Variants in TOR1A observed in about 807,000 individuals in gnomAD.
TOR1A encodes torsin family 1 member A.
Under a neutral mutation model 31.4 loss-of-function variants are expected in TOR1A, and 18 were observed. The observed-to-expected ratio is 0.57, with a 90% CI of 0.40 to 0.85. The LOEUF (loss-of-function observed/expected upper bound fraction) is 0.85. Among genes scored for constraint, TOR1A ranks in the 40% least tolerant of loss-of-function variants. The pLI is 0.00. For synonymous variants in TOR1A, 168 were observed against 165.9 expected (o/e 1.01, Z -0.10); for missense variants, 375 against 416.4 (o/e 0.90, Z 0.87).
intron 4 of TOR1A, among the ~76,000 whole-genome samples, chr9:129,816,983 C>A (rs551298617): frequency 6.6e-6 from 1 of 152,294 alleles, no homozygotes; most frequent in Admixed American, 6.5e-5. Flanking sequence ...AACAGCCAGC[C>A]CTGCACAACT....
intron 2 of TOR1A, among the ~76,000 whole-genome samples, chr9:129,820,754 C>T (rs570582128): frequency 3.9e-5 from 6 of 152,052 alleles, no homozygotes; most frequent in African/African-American, 1.4e-4. Flanking sequence ...GCCACCATGC[C>T]TGACTAATTT....
At chr9:129,823,725 CGG>C (rs2031250343) in intron 1 of TOR1A, 181 bp downstream of exon 1, 2 of 449,942 alleles carry the variant, frequency 4.4e-6, no homozygotes, top group Non-Finnish European at 7.6e-6. Context: ...AGCCCCAACC[CGG>C]CCCTAGTGCC....
chr9:129,822,304 T>A, intron 2 of TOR1A: 15 of 456,604 alleles, frequency 3.3e-5, no homozygotes, highest in South Asian at 8.9e-5. Context: ...TGAGATGTGT[T>A]GATCTCTAAG....
Position 129,824,026 on chromosome 9 carries a change from C to G in TOR1A, c.60G>C (p.Ala20=). Residue 20 remains alanine, a synonymous_variant, in exon 1 of 5, where the codon GCG becomes GCC. Transcript: ENST00000351698. The stretch of plus-strand genomic sequence containing the variant: ...CCAGTCCCAGGCTGATGGGCTCCAC[C>G]GCCTGCACCACGGACGGCGCCAGCA... ...LLLLAPSVVQ[A]VEPISLGLAL... is the part of the protein sequence containing the mutation. 1 of 1,608,772 alleles carries G rather than the reference C, an allele frequency of 6.2e-7. No homozygotes were observed. Among genetic ancestry groups the G allele is most frequent in the Non-Finnish European group, 8.5e-7 (1 of 1,178,644 alleles).
In TOR1A at chr9:129,813,696, T is replaced by A. The variant is rs2030953374; in HGVS notation, c.*276A>T. ...GAAACACTTGGAATTAAAACATAATTTGTAAAAAATCATGAGCCCTGCGAT... is the reference window on the plus strand; with the variant it reads ...GAAACACTTGGAATTAAAACATAATATGTAAAAAATCATGAGCCCTGCGAT... On this transcript the variant is annotated 3_prime_UTR_variant, in exon 5 of 5. Coordinates refer to ENST00000351698, the MANE Select transcript of TOR1A (RefSeq NM_000113.3). 2 of 531,312 alleles carry A rather than the reference T, an allele frequency of 3.8e-6. No homozygotes were observed. The highest frequency in any genetic ancestry group is 3.4e-6 in the Non-Finnish European group (1 of 296,116). 32.9% of individuals were successfully genotyped at this position (531,312 alleles called of 1,614,324 possible).
rs933778697 is a variant in TOR1A at position 129,813,307 on chromosome 9, C to T, written c.*665G>A. On this transcript the variant is annotated 3_prime_UTR_variant, in exon 5 of 5. Coordinates refer to ENST00000351698, the MANE Select transcript of TOR1A (RefSeq NM_000113.3). ...TCCCATTGTTGCTAAGGTGAAAACC[C>T]TTGGAGAGGCTGTTTCAGGCTTATC... is the stretch of plus-strand genomic sequence containing the variant. The T allele has an allele frequency of 1.3e-5, 2 of 155,556 alleles. No homozygotes were observed. Among genetic ancestry groups the T allele is most frequent in the African/African-American group, 4.8e-5 (2 of 41,466 alleles). 9.6% of individuals were successfully genotyped at this position (155,556 alleles called of 1,614,324 possible).
intron 1 of TOR1A, 36 bp downstream of exon 1, chr9:129,823,860 GCCCAGCCCCAGC>G (rs746879786): frequency 1.3e-6 from 2 of 1,523,396 alleles, no homozygotes; most frequent in Non-Finnish European, 1.8e-6. Flanking sequence ...TAGTGCCATC[GCCCAGCCCCAGC>G]CCCAGCCCCA....
intron 4 of TOR1A, among the ~76,000 whole-genome samples, chr9:129,815,776 C>T (rs1212510072): frequency 6.6e-6 from 1 of 152,198 alleles, no homozygotes. Flanking sequence ...GCAGTGCCAC[C>T]CTTCCCATCG....
Position 129,813,641 on chromosome 9 carries a change from A to G in TOR1A, c.*331T>C, listed in dbSNP as rs2030951804. 2.4e-6 allele frequency: 1 copy of G among 422,516 alleles called. No homozygotes were observed. The allele number at this position is 422,516 out of a possible 1,614,324, so 26.2% of individuals were successfully genotyped here. A position where few individuals can be genotyped will look rare whatever the true frequency, so the allele number is the denominator to read the frequency against. The stretch of plus-strand genomic sequence containing the variant: ...TTTTAAATAAAGTTACCACATTTTC[A>G]ATAAAACTTATTCATCCTTCCTTGA... On this transcript the variant is annotated 3_prime_UTR_variant, in exon 5 of 5. Transcript: ENST00000351698.
chr9:129,814,237 C>CAAGGT lies in TOR1A; in HGVS notation c.749-20_749-16dup, dbSNP rs766674625. 1.2e-6 allele frequency: 2 copies of CAAGGT among 1,614,034 alleles called. No individual in the cohort carries two copies. The highest frequency in any genetic ancestry group is 3.3e-5 in the Admixed American group (2 of 60,010). On this transcript the variant is annotated splice_polypyrimidine_tract_variant and intron_variant, in intron 4 of 4. Transcript: ENST00000351698. ...CCAGAAGCCACCTGGGAAGAAGAAACAAGGTGCTGTTCATCCACATCCACC... is the reference window on the plus strand; with the variant it reads ...CCAGAAGCCACCTGGGAAGAAGAAACAAGGTAAGGTGCTGTTCATCCACATCCACC...
At chr9:129,817,852 A>T (rs865808451) in intron 4 of TOR1A, among the ~76,000 whole-genome samples, 54 of 148,656 alleles carry the variant, frequency 3.6e-4, no homozygotes, top group Non-Finnish European at 6.9e-4. Context: ...AAAAAAAAAA[A>T]AAAAAAAAAA....
Position 129,822,584 on chromosome 9 carries a change from G to T in TOR1A, c.441C>A (p.Tyr147Ter), listed in dbSNP as rs1470575764. The change falls in exon 2 of 5, where the codon TAC becomes TAA. Residue 147 changes from tyrosine to a stop codon, truncating the protein, a stop_gained. Coordinates refer to ENST00000351698, the MANE Select transcript of TOR1A (RefSeq NM_000113.3). LOFTEE classifies it high-confidence loss of function. Reference sequence around the variant, plus strand: ...GATTCCAAACTTCCATCCTTGCCTTGTACAAGGTGATGTTTGAAGCATGTG... The same window carrying T: ...GATTCCAAACTTCCATCCTTGCCTTTTACAAGGTGATGTTTGAAGCATGTG... ...HFPHASNITL[Y>*]KDQLQLWIRG... The T allele has an allele frequency of 1.2e-6, 2 of 1,614,132 alleles. No homozygotes were observed. The highest frequency in any genetic ancestry group is 1.7e-6 in the Non-Finnish European group (2 of 1,180,036).
Position 129,815,572 on chromosome 9 carries a change from C to A in TOR1A, c.749-1350G>T, listed in dbSNP as rs535382299. ...AGAGCCCGAGCAACAAGGACCCAGCCACGCAGACCCAGGAGTGACGGCAGA... is the reference window on the plus strand; with the variant it reads ...AGAGCCCGAGCAACAAGGACCCAGCAACGCAGACCCAGGAGTGACGGCAGA... On this transcript the variant is annotated intron_variant, in intron 4 of 4. Coordinates refer to ENST00000351698, the MANE Select transcript of TOR1A (RefSeq NM_000113.3). 5.6e-4 allele frequency among the ~76,000 whole-genome samples: 86 copies of A among 152,318 alleles called. 1 individual carries two copies. Among genetic ancestry groups the A allele is most frequent in the Admixed American group, 3.3e-3 (50 of 15,308 alleles).
chr9:129,816,201 G>A (rs937124974), intron 4 of TOR1A, among the ~76,000 whole-genome samples: 5 of 152,086 alleles, frequency 3.3e-5, no homozygotes, highest in East Asian at 1.9e-4. Context: ...CGTGCTGTCC[G>A]CACTGGGGAA....
chr9:129,813,896 G>C lies in TOR1A; in HGVS notation c.*76C>G. 6.4e-7 allele frequency: 1 copy of C among 1,568,786 alleles called. No individual in the cohort carries two copies. The highest frequency in any genetic ancestry group is 8.7e-7 in the Non-Finnish European group (1 of 1,146,868). On this transcript the variant is annotated 3_prime_UTR_variant, in exon 5 of 5. Transcript: ENST00000351698. Reference sequence around the variant, plus strand: ...TTCCTCTTCCAGGGAAAGGAGCTGGGGGTGGAAGTGTGGAAGGACTGAGTG... The same window carrying C: ...TTCCTCTTCCAGGGAAAGGAGCTGGCGGTGGAAGTGTGGAAGGACTGAGTG...
chr9:129,819,608 A>T (rs997001143), intron 2 of TOR1A, among the ~76,000 whole-genome samples: 5 of 152,126 alleles, frequency 3.3e-5, no homozygotes, highest in Admixed American at 2.0e-4. Flanking sequence ...AAAATACAAA[A>T]AAATTAGCTG....
intron 4 of TOR1A, among the ~76,000 whole-genome samples, chr9:129,816,562 G>A (rs1034283633): frequency 2.0e-5 from 3 of 152,104 alleles, no homozygotes; most frequent in African/African-American, 4.8e-5. Flanking sequence ...TGTGTCCCCC[G>A]TCCTAGGTAT....
At chr9:129,816,868 T>G (rs1011906697) in intron 4 of TOR1A, among the ~76,000 whole-genome samples, 1 of 152,242 alleles carries the variant, frequency 6.6e-6, no homozygotes, top group Non-Finnish European at 1.5e-5. Flanking sequence ...ACTGACATAC[T>G]GTACCCCATG....
intron 2 of TOR1A, chr9:129,821,325 T>A (rs1404459644): frequency 6.6e-6 from 1 of 152,074 alleles, no homozygotes; most frequent in Non-Finnish European, 1.5e-5. Flanking sequence ...CAAAAATAAA[T>A]AAATAAATAA....
Sources: gnomAD v4.1 joint callset for allele counts (sites outside exome capture counted in the v4.1 genomes callset) on GRCh38, gnomAD v4.1.1 for gene constraint, MANE v1.5 for transcripts, NCBI Gene and HGNC (gene_info 2026-07-23, HGNC 2026-07-21) for gene names.